Variants in RUFY3 observed in about 807,000 individuals in gnomAD.
RUFY3 encodes protein RUFY3.
In RUFY3, 34 loss-of-function variants were observed where a neutral mutation model predicts 84.0. The ratio of observed to expected loss-of-function variants is 0.40; its 90% CI spans 0.31 to 0.54. The LOEUF is 0.54. Ranked by LOEUF, RUFY3 falls within the 20% of genes least tolerant of loss-of-function variation. The probability of loss-of-function intolerance (pLI) is 0.39; values close to 1 mark genes in which losing one functional copy is unlikely to be tolerated. For missense variants in RUFY3, 507 were observed against 736.8 expected, an observed-to-expected ratio of 0.69 and a Z score of 3.61; for synonymous variants, 242 against 252.9, an observed-to-expected ratio of 0.96 and a Z score of 0.41.
At chr4:70,761,820 T>TA (rs1725079003) in intron 1 of RUFY3, among the ~76,000 whole-genome samples, 1 of 152,226 alleles carries the variant, frequency 6.6e-6, no homozygotes, top group African/African-American at 2.4e-5. Flanking sequence ...AATAATAAAA[T>TA]ACCATAATGC....
rs192743153 is a variant in RUFY3, at chr4:70,787,764, G to T, written c.1072-1042G>T. Among the ~76,000 whole-genome samples, 20 of 152,196 alleles carry T rather than the reference G, an allele frequency of 1.3e-4. No individual in the cohort carries two copies. The East Asian group carries it at 3.5e-3, about 26-fold the overall frequency. The stretch of plus-strand genomic sequence containing the variant: ...CTAATCAAGTAAAATGAGAATCTCA[G>T]TGAAGTGGCACATAATAAAAATCTT... On this transcript the variant is annotated intron_variant, in intron 10 of 17. Transcript: ENST00000381006.
intron 1 of RUFY3, among the ~76,000 whole-genome samples, chr4:70,722,978 G>A (rs1179956959): frequency 6.6e-6 from 1 of 152,072 alleles, no homozygotes; most frequent in Non-Finnish European, 1.5e-5. Context: ...CTGGATACTC[G>A]TTTAGAGTTC....
intron 6 of RUFY3, among the ~76,000 whole-genome samples, chr4:70,773,885 G>A (rs909264001): frequency 6.6e-6 from 1 of 152,146 alleles, no homozygotes; most frequent in African/African-American, 2.4e-5. Context: ...ATTTTGACCA[G>A]AGGAGTCGCA....
chr4:70,789,722 A>G lies in RUFY3; in HGVS notation c.1337+130A>G, dbSNP rs557501863. On this transcript the variant is annotated intron_variant, in intron 12 of 17. Transcript: ENST00000381006. ...ATTAGCATCAGACATTCTGGTAGAA[A>G]AAAGCCAGTTGAATGTTATGTGTGT... The G allele has an allele frequency of 4.7e-5, 64 of 1,373,520 alleles. 1 individual carries two copies. The East Asian group carries it at 1.4e-3, about 29-fold the overall frequency. The allele number at this position is 1,373,520 out of a possible 1,614,324, so 85.1% of individuals were successfully genotyped here.
chr4:70,801,221 G>A (rs151208569), intron 15 of RUFY3, among the ~76,000 whole-genome samples: 15 of 151,836 alleles, frequency 9.9e-5, no homozygotes, highest in Middle Eastern at 3.4e-3. Context: ...GGAACGAACC[G>A]GTGGAGCACA....
chr4:70,705,320 GC>G, intron 1 of RUFY3: 1 of 1,335,738 alleles, frequency 7.5e-7, no homozygotes, highest in Non-Finnish European at 9.6e-7. Flanking sequence ...GCATGGGGAC[GC>G]CCGCGGGGAA....
intron 1 of RUFY3, among the ~76,000 whole-genome samples, chr4:70,736,873 G>A (rs764099704): frequency 3.9e-4 from 59 of 152,056 alleles, no homozygotes; most frequent in Non-Finnish European, 7.5e-4. Flanking sequence ...CGCCTGGCCT[G>A]GATGTGCCAT....
rs1256261500 is a variant in RUFY3 at position 70,732,044 on chromosome 4, A to T, written c.178+9293A>T. Among the ~76,000 whole-genome samples, 6 of 152,180 alleles carry T rather than the reference A, an allele frequency of 3.9e-5. 1 individual carries two copies. Reference sequence around the variant, plus strand: ...ACCTGTTCCAGTCAGACTGTGCTTCAGTAAAATCCTGATTATTCTTTTTGT... The same window carrying T: ...ACCTGTTCCAGTCAGACTGTGCTTCTGTAAAATCCTGATTATTCTTTTTGT... On this transcript the variant is annotated intron_variant, in intron 1 of 17. Coordinates refer to ENST00000381006, the MANE Select transcript of RUFY3 (RefSeq NM_001037442.4).
upstream of RUFY3, among the ~76,000 whole-genome samples, chr4:70,721,015 A>G (rs986738216): frequency 2.0e-5 from 3 of 151,978 alleles, no homozygotes; most frequent in Non-Finnish European, 4.4e-5. Flanking sequence ...CTGCTTAGAA[A>G]CATATTTCAT....
At chr4:70,707,466 G>A (rs920576104) in intron 1 of RUFY3, among the ~76,000 whole-genome samples, 7 of 152,066 alleles carry the variant, frequency 4.6e-5, no homozygotes, top group Non-Finnish European at 4.4e-5. Flanking sequence ...GGCTGTTATC[G>A]AACTCCTGAC....
intron 6 of RUFY3, 44 bp from the exon 7 acceptor site, chr4:70,775,124 C>T: frequency 6.8e-7 from 1 of 1,462,834 alleles, no homozygotes; most frequent in Non-Finnish European, 9.4e-7. Flanking sequence ...CTTGGTATTT[C>T]TTATGTTATT....
At chr4:70,753,125 G>A (rs576431469) in intron 1 of RUFY3, among the ~76,000 whole-genome samples, 2 of 152,054 alleles carry the variant, frequency 1.3e-5, no homozygotes, top group Non-Finnish European at 2.9e-5. Flanking sequence ...GTCAGTTTTG[G>A]TAGTTTGTGT....
chr4:70,801,026 A>G (rs1225499833), intron 15 of RUFY3, among the ~76,000 whole-genome samples: 1 of 152,206 alleles, frequency 6.6e-6, no homozygotes, highest in African/African-American at 2.4e-5. Flanking sequence ...AGAGCATAGG[A>G]TAGTTTCAAG....
In RUFY3 at chr4:70,804,391, G is replaced by A. The variant is rs754430638; in HGVS notation, c.1694G>A (p.Cys565Tyr). 6.2e-7 allele frequency: 1 copy of A among 1,614,034 alleles called. No individual in the cohort carries two copies. Among genetic ancestry groups the A allele is most frequent in the South Asian group, 1.1e-5 (1 of 91,068 alleles). The change falls in exon 17 of 18, where the codon TGC (cysteine) becomes TAC (tyrosine). Residue 565 changes from cysteine (C) to tyrosine (Y), a missense_variant. Cys to Tyr is a radical substitution (Grantham distance 194, BLOSUM62 -2). Coordinates refer to ENST00000381006, the MANE Select transcript of RUFY3 (RefSeq NM_001037442.4). ...LSEKPQLCQL[C>Y]QEDGSLTKNV... ...GAAAAGCCACAGTTGTGTCAGCTAT[G>A]CCAGGAAGACGGCAGCCTAACAAAG... is the stretch of plus-strand genomic sequence containing the variant.
At chr4:70,776,513 G>A (rs531204807) in intron 7 of RUFY3, among the ~76,000 whole-genome samples, 68 of 152,284 alleles carry the variant, frequency 4.5e-4, no homozygotes, top group Non-Finnish European at 8.2e-4. Context: ...AGTGGCTCAC[G>A]CCTATAATCC....
At chr4:70,752,434 G>A (rs76197625) in intron 1 of RUFY3, among the ~76,000 whole-genome samples, 11,130 of 152,068 alleles carry the variant, frequency 0.073, 650 homozygotes, top group East Asian at 0.21. Context: ...TACTTGCCCT[G>A]GCAAGACTCG....
chr4:70,727,866 A>G (rs1308154020), intron 1 of RUFY3, among the ~76,000 whole-genome samples: 3 of 152,102 alleles, frequency 2.0e-5, no homozygotes, highest in Admixed American at 6.5e-5. Flanking sequence ...CGTGAAGGGC[A>G]GGGATAGTAT....
intron 1 of RUFY3, among the ~76,000 whole-genome samples, chr4:70,735,803 C>T (rs1305719034): frequency 1.3e-5 from 2 of 151,990 alleles, no homozygotes; most frequent in Non-Finnish European, 2.9e-5. Context: ...CCTGGCCAAC[C>T]TGGTGAAACC....
chr4:70,790,762 G>C (rs2148798853), intron 12 of RUFY3, among the ~76,000 whole-genome samples: 1 of 152,248 alleles, frequency 6.6e-6, no homozygotes. Context: ...GCAGTGCCTT[G>C]AATATACAAG....
Sources: allele counts gnomAD v4.1 joint callset (sites outside exome capture counted in the v4.1 genomes callset), GRCh38; gene constraint gnomAD v4.1.1; transcripts MANE v1.5; gene names NCBI Gene and HGNC (gene_info 2026-07-23, HGNC 2026-07-21).